The following LRBA variants were observed in gnomAD, a reference collection of about 807,000 sequenced individuals.
LRBA encodes the protein lipopolysaccharide-responsive and beige-like anchor protein.
Under a neutral mutation model 330.0 loss-of-function variants are expected in LRBA, and 176 were observed. The ratio of observed to expected loss-of-function variants is 0.53; its 90% CI spans 0.47 to 0.60. The LOEUF (loss-of-function observed/expected upper bound fraction) is 0.60. Ranked by LOEUF, LRBA falls within the 20% of genes least tolerant of loss-of-function variation. The probability of loss-of-function intolerance (pLI) is 0.00; values close to 1 mark genes in which losing one functional copy is unlikely to be tolerated. For synonymous variants in LRBA, 1,230 were observed against 1,193.0 expected (o/e 1.03, Z -0.64); for missense variants, 3,259 against 3,444.8 (o/e 0.95, Z 1.35).
At chr4:150,603,342 T>A (rs1438847350) in intron 37 of LRBA, among the ~76,000 whole-genome samples, 1 of 152,200 alleles carries the variant, frequency 6.6e-6, no homozygotes, top group Non-Finnish European at 1.5e-5. Context: ...ACCATGTAAG[T>A]CTATTGGACT....
Position 150,916,505 on chromosome 4 carries a change from C to T in LRBA, c.790G>A (p.Gly264Ser). 6.2e-7 allele frequency: 1 copy of T among 1,613,628 alleles called. No homozygotes were observed. Among genetic ancestry groups the T allele is most frequent in the Non-Finnish European group, 8.5e-7 (1 of 1,179,822 alleles). ...CCTCCAACAAAATGAGCAGAATAGC[C>T]AAGACCTTTGCTGGTTCTGAAACTA... ...LYCFRTSKGL[G>S]YSAHFVGGCL... Residue 264 changes from glycine (G) to serine (S), a missense_variant, in exon 7 of 57, where the codon GGC becomes AGC. By Grantham distance (56) the Gly-to-Ser change is moderately conservative (BLOSUM62 0). Coordinates refer to ENST00000651943, the MANE Select transcript of LRBA (RefSeq NM_001364905.1).
Position 150,419,192 on chromosome 4 carries a change from T to C in LRBA, c.7042-3602A>G, listed in dbSNP as rs181858537. On this transcript the variant is annotated intron_variant, in intron 46 of 56. Transcript: ENST00000651943. The stretch of plus-strand genomic sequence containing the variant: ...CGTTCTTTCTCTCAATCAAGTGCCC[T>C]TTCATGAAGAACAATCTGCCTACTG... Among the ~76,000 whole-genome samples, 3 of 152,292 alleles carry C rather than the reference T, an allele frequency of 2.0e-5. No homozygotes were observed. In the East Asian group the frequency reaches 5.8e-4, roughly 29 times the overall value.
At chr4:150,760,429 C>A (rs930644724) in intron 35 of LRBA, among the ~76,000 whole-genome samples, 14 of 152,016 alleles carry the variant, frequency 9.2e-5, no homozygotes. Context: ...TTCAACCTAT[C>A]CTAAACAATT....
At chr4:150,676,394 G>A (rs1179545727) in intron 37 of LRBA, among the ~76,000 whole-genome samples, 4 of 152,196 alleles carry the variant, frequency 2.6e-5, no homozygotes, top group South Asian at 2.1e-4. Context: ...GAAGGCAAGC[G>A]ATATATTTGT....
In LRBA at chr4:150,318,710, C is replaced by T. The variant is rs1251090406; in HGVS notation, c.7630+2481G>A. Among the ~76,000 whole-genome samples, 5 of 152,068 alleles carry T rather than the reference C, an allele frequency of 3.3e-5. No individual in the cohort carries two copies. In the East Asian group the frequency reaches 7.7e-4, roughly 23 times the overall value. On this transcript the variant is annotated intron_variant, in intron 50 of 56. Coordinates refer to ENST00000651943, the MANE Select transcript of LRBA (RefSeq NM_001364905.1). Reference sequence around the variant, plus strand: ...CCTGTGGTGTATTCCCATATGTTATCGCTTTTTGTATTTTTCTGGTGAAAA... The same window carrying T: ...CCTGTGGTGTATTCCCATATGTTATTGCTTTTTGTATTTTTCTGGTGAAAA...
At chr4:150,376,196 G>C (rs1180311892) in intron 47 of LRBA, among the ~76,000 whole-genome samples, 1 of 152,074 alleles carries the variant, frequency 6.6e-6, no homozygotes, top group African/African-American at 2.4e-5. Flanking sequence ...AACTTTTAAA[G>C]AAAGGCTAGA....
At chr4:150,688,313 T>A (rs1004949093) in intron 36 of LRBA, among the ~76,000 whole-genome samples, 2 of 152,194 alleles carry the variant, frequency 1.3e-5, no homozygotes, top group Non-Finnish European at 2.9e-5. Context: ...CCAAGATGGA[T>A]TAAAGATTTA....
intron 30 of LRBA, among the ~76,000 whole-genome samples, chr4:150,820,283 G>A (rs936211768): frequency 1.4e-4 from 21 of 151,990 alleles, no homozygotes; most frequent in African/African-American, 3.9e-4. Flanking sequence ...AATTTGAACC[G>A]TTTCCCCATG....
chr4:150,457,239 C>A (rs1237988609), intron 44 of LRBA, among the ~76,000 whole-genome samples: 1 of 151,990 alleles, frequency 6.6e-6, no homozygotes, highest in Non-Finnish European at 1.5e-5. Context: ...GAAAGTAAGA[C>A]AATCTAAAAA....
At chr4:150,365,320 T>C (rs769543431) in intron 47 of LRBA, among the ~76,000 whole-genome samples, 1 of 152,054 alleles carries the variant, frequency 6.6e-6, no homozygotes, top group Non-Finnish European at 1.5e-5. Context: ...TTATGATATT[T>C]TAAAAATAAA....
intron 47 of LRBA, among the ~76,000 whole-genome samples, chr4:150,378,042 T>C (rs770765970): frequency 1.3e-5 from 2 of 152,090 alleles, no homozygotes; most frequent in Non-Finnish European, 2.9e-5. Flanking sequence ...ATTTGGTCAC[T>C]TGATAATCAC....
chr4:150,685,417 T>C (rs1270287378), intron 36 of LRBA, among the ~76,000 whole-genome samples: 12 of 24,410 alleles, frequency 4.9e-4, no homozygotes, highest in African/African-American at 1.8e-3. Context: ...TATATATATA[T>C]ATATTTTTTT....
intron 44 of LRBA, among the ~76,000 whole-genome samples, chr4:150,448,247 TGG>T: frequency 6.6e-6 from 1 of 152,220 alleles, no homozygotes; most frequent in Admixed American, 6.5e-5. Flanking sequence ...GACAAAGTCG[TGG>T]CAATTTCGGT....
intron 47 of LRBA, among the ~76,000 whole-genome samples, chr4:150,358,058 T>G (rs1378895817): frequency 6.6e-6 from 1 of 152,106 alleles, no homozygotes; most frequent in Non-Finnish European, 1.5e-5. Context: ...CTTGGCAATA[T>G]GATGGAATCC....
chr4:150,646,087 T>C (rs1388516407), intron 37 of LRBA, among the ~76,000 whole-genome samples: 3 of 151,984 alleles, frequency 2.0e-5, no homozygotes, highest in African/African-American at 4.8e-5. Flanking sequence ...TGGCCCATTA[T>C]AGAAAAAGTT....
chr4:150,841,485 A>G (rs543850837), intron 28 of LRBA, among the ~76,000 whole-genome samples: 5 of 152,202 alleles, frequency 3.3e-5, no homozygotes, highest in Non-Finnish European at 7.3e-5. Flanking sequence ...CTTGAACAAG[A>G]TAAGGCTTAG....
In LRBA at chr4:150,506,876, A is replaced by G. The variant is rs192706131; in HGVS notation, c.6331-15841T>C. On this transcript the variant is annotated intron_variant, in intron 40 of 56. Transcript: ENST00000651943. ...CCTTAAGCTGATAAGCAACTTCAGCAAAGTCTCAGGATATAAAATCAATGG... is the reference window on the plus strand; with the variant it reads ...CCTTAAGCTGATAAGCAACTTCAGCGAAGTCTCAGGATATAAAATCAATGG... Among the ~76,000 whole-genome samples the G allele has an allele frequency of 4.7e-4, 71 of 152,360 alleles. 1 individual carries two copies. The East Asian group carries it at 0.012, about 25-fold the overall frequency.
chr4:150,688,328 T>C (rs766589159), intron 36 of LRBA, among the ~76,000 whole-genome samples: 2 of 152,176 alleles, frequency 1.3e-5, no homozygotes, highest in Non-Finnish European at 2.9e-5. Context: ...GATTTAAACG[T>C]AAGACCTAAA....
rs1027728409 is a variant in LRBA, at chr4:150,515,792, G to GA, written c.6331-24758dup. Among the ~76,000 whole-genome samples, 121 of 151,854 alleles carry GA rather than the reference G, an allele frequency of 8.0e-4. 1 individual carries two copies. The highest frequency in any genetic ancestry group is 2.8e-3 in the African/African-American group (118 of 41,458). The stretch of plus-strand genomic sequence containing the variant: ...GCATTTGACACAAATATTGAAATTA[G>GA]AAAAAAATTTCATTCATAATTGCAA... On this transcript the variant is annotated intron_variant, in intron 40 of 56. Coordinates refer to ENST00000651943, the MANE Select transcript of LRBA (RefSeq NM_001364905.1).
Sources: allele counts gnomAD v4.1 joint callset (sites outside exome capture counted in the v4.1 genomes callset), GRCh38; gene constraint gnomAD v4.1.1; transcripts MANE v1.5; gene names NCBI Gene and HGNC (gene_info 2026-07-23, HGNC 2026-07-21).